XYLT1: variants seen among roughly 807,000 people sequenced by gnomAD.
The protein encoded by XYLT1 is beta-D-xylosyltransferase 1.
In XYLT1, 36 loss-of-function variants were observed where a neutral mutation model predicts 91.3. That is an observed-to-expected ratio of 0.39 (90% CI 0.30 to 0.52). The LOEUF is 0.52. Ranked by LOEUF, XYLT1 falls within the 20% of genes least tolerant of loss-of-function variation. The pLI is 0.68. For synonymous variants in XYLT1, 588 were observed against 532.0 expected, an observed-to-expected ratio of 1.11 and a Z score of -1.45; for missense variants, 1,242 against 1,284.5, an observed-to-expected ratio of 0.97 and a Z score of 0.51.
intron 2 of XYLT1, among the ~76,000 whole-genome samples, chr16:17,293,602 C>T (rs2034264604): frequency 6.8e-6 from 1 of 147,274 alleles, no homozygotes; most frequent in African/African-American, 2.5e-5. Flanking sequence ...ATTCTCCTGT[C>T]TCAGCCTCCT....
At chr16:17,393,264 A>G (rs2035842574) in intron 1 of XYLT1, among the ~76,000 whole-genome samples, 1 of 152,176 alleles carries the variant, frequency 6.6e-6, no homozygotes, top group Admixed American at 6.5e-5. Context: ...TCTGAAGGTG[A>G]TGGTGTGTAT....
At chr16:17,430,031 G>T (rs979439784) in intron 1 of XYLT1, among the ~76,000 whole-genome samples, 1 of 150,456 alleles carries the variant, frequency 6.6e-6, no homozygotes, top group Non-Finnish European at 1.5e-5. Flanking sequence ...CTGCCTCCCA[G>T]GTTCAAGTGA....
At chr16:17,380,772 T>C (rs1285049247) in intron 1 of XYLT1, among the ~76,000 whole-genome samples, 1 of 152,056 alleles carries the variant, frequency 6.6e-6, no homozygotes, top group Non-Finnish European at 1.5e-5. Context: ...AAGATCTGCG[T>C]GGATAAACCA....
chr16:17,120,435 C>A (rs1343319131), intron 10 of XYLT1, among the ~76,000 whole-genome samples: 1 of 151,938 alleles, frequency 6.6e-6, no homozygotes, highest in Non-Finnish European at 1.5e-5. Flanking sequence ...GGGTTATTCC[C>A]AGCACCTCAT....
intron 1 of XYLT1, among the ~76,000 whole-genome samples, chr16:17,436,061 T>C (rs1177180273): frequency 6.6e-6 from 1 of 152,118 alleles, no homozygotes; most frequent in Admixed American, 6.5e-5. Context: ...GGAATAAGTC[T>C]CATGAGATCT....
At chr16:17,467,174 G>A (rs781517070) in intron 1 of XYLT1, among the ~76,000 whole-genome samples, 1 of 152,134 alleles carries the variant, frequency 6.6e-6, no homozygotes, top group Non-Finnish European at 1.5e-5. Flanking sequence ...GCGGGGGGTG[G>A]GAAGGGTAAT....
intron 2 of XYLT1, among the ~76,000 whole-genome samples, chr16:17,334,047 A>G (rs2034942504): frequency 1.3e-5 from 2 of 152,256 alleles, no homozygotes; most frequent in South Asian, 4.1e-4. Context: ...CCCTTTCACC[A>G]TGTGAGGTCA....
At chr16:17,154,329 C>A (rs745641893) in intron 6 of XYLT1, among the ~76,000 whole-genome samples, 1 of 152,190 alleles carries the variant, frequency 6.6e-6, no homozygotes, top group South Asian at 2.1e-4. Context: ...CCAGGGCTAA[C>A]ATGGGGGCCC....
chr16:17,424,736 T>C (rs1476511284), intron 1 of XYLT1, among the ~76,000 whole-genome samples: 1 of 151,818 alleles, frequency 6.6e-6, no homozygotes, highest in Non-Finnish European at 1.5e-5. Context: ...GCTGTAGTGG[T>C]AGGTGCCTGT....
rs984740424 is a variant in XYLT1 at position 17,398,113 on chromosome 16, C to T, written c.364-40063G>A. ...TTGGAAAATGCAGACCTTGGATCCA[C>T]GGAGGCCACGTAAATATTGAGTGGC... is the stretch of plus-strand genomic sequence containing the variant. On this transcript the variant is annotated intron_variant, in intron 1 of 11. Coordinates refer to ENST00000261381, the MANE Select transcript of XYLT1 (RefSeq NM_022166.4). Among the ~76,000 whole-genome samples the T allele has an allele frequency of 4.6e-5, 7 of 152,002 alleles. No homozygotes were observed. The East Asian group carries it at 7.7e-4, about 17-fold the overall frequency.
chr16:17,215,284 A>C (rs2141602988), intron 3 of XYLT1, among the ~76,000 whole-genome samples: 1 of 152,346 alleles, frequency 6.6e-6, no homozygotes, highest in Non-Finnish European at 1.5e-5. Flanking sequence ...TGAACCCAGG[A>C]GGCAGACGTT....
intron 3 of XYLT1, among the ~76,000 whole-genome samples, chr16:17,239,719 G>A (rs72777769): frequency 2.8e-5 from 4 of 144,202 alleles, no homozygotes; most frequent in South Asian, 2.3e-4. Flanking sequence ...TCCACCCACC[G>A]AGTCTGTCTG....
At chr16:17,243,606 C>T (rs144931206) in intron 3 of XYLT1, among the ~76,000 whole-genome samples, 8 of 152,256 alleles carry the variant, frequency 5.3e-5, no homozygotes, top group Admixed American at 2.0e-4. Context: ...CACAAGGTCC[C>T]GAGTGAGGGA....
chr16:17,351,754 G>GGGA (rs1555499404), intron 2 of XYLT1, among the ~76,000 whole-genome samples: 1 of 149,524 alleles, frequency 6.7e-6, no homozygotes, highest in African/African-American at 2.5e-5. Context: ...TTTTTTGGGG[G>GGGA]GGGGTGCTTT....
chr16:17,455,288 T>C (rs576291935), intron 1 of XYLT1, among the ~76,000 whole-genome samples: 132 of 152,280 alleles, frequency 8.7e-4, no homozygotes, highest in African/African-American at 3.1e-3. Context: ...TTCTTTCTCA[T>C]GCATGTTCTA....
chr16:17,187,655 T>G (rs1204448272), intron 5 of XYLT1, among the ~76,000 whole-genome samples: 1 of 151,978 alleles, frequency 6.6e-6, no homozygotes, highest in Non-Finnish European at 1.5e-5. Context: ...TCTTCTTATT[T>G]TCTTTTTGGG....
chr16:17,235,500 C>G (rs936354), intron 3 of XYLT1, among the ~76,000 whole-genome samples: 97,936 of 151,764 alleles, frequency 0.65, 32,125 homozygotes, highest in African/African-American at 0.73. Flanking sequence ...GTGGCAGACT[C>G]CAAACTCGAA....
intron 10 of XYLT1, among the ~76,000 whole-genome samples, chr16:17,118,272 G>GTGAA (rs1336171969): frequency 2.1e-4 from 9 of 43,710 alleles, no homozygotes; most frequent in Admixed American, 7.1e-4. Flanking sequence ...AGCTGAATGA[G>GTGAA]TGAATGAATG....
chr16:17,448,695 A>G (rs1488090471), intron 1 of XYLT1, among the ~76,000 whole-genome samples: 1 of 22,392 alleles, frequency 4.5e-5, no homozygotes. Context: ...TGGAGGGGGG[A>G]GGAGGAAGAG....
Sources: gnomAD v4.1 joint callset for allele counts (sites outside exome capture counted in the v4.1 genomes callset) on GRCh38, gnomAD v4.1.1 for gene constraint, MANE v1.5 for transcripts, NCBI Gene and HGNC (gene_info 2026-07-23, HGNC 2026-07-21) for gene names.